AFG2A: variants seen among roughly 807,000 people sequenced by gnomAD.
AFG2A encodes the protein AAA ATPase AFG2A, also known as ATPase family gene 2 protein homolog A.
chr4:123,260,420 T>A, the AFG2A span, among the ~76,000 whole-genome samples: 1 of 152,220 alleles, frequency 6.6e-6, no homozygotes, highest in Admixed American at 6.5e-5. Flanking sequence ...ATTTAAAAAA[T>A]CACCTTCTAG....
At chr4:123,283,409 G>A in the AFG2A span, among the ~76,000 whole-genome samples, 13 of 151,968 alleles carry the variant, frequency 8.6e-5, no homozygotes, top group African/African-American at 3.1e-4. Context: ...GGGTTAGGGA[G>A]AATCTGCTGT....
At chr4:123,306,331 A>G in the AFG2A span, among the ~76,000 whole-genome samples, 1 of 152,166 alleles carries the variant, frequency 6.6e-6, no homozygotes, top group Non-Finnish European at 1.5e-5. Context: ...ATCTATTATT[A>G]CTGCTGAACA....
At chr4:123,178,055 A>G in the AFG2A span, among the ~76,000 whole-genome samples, 1 of 152,224 alleles carries the variant, frequency 6.6e-6, no homozygotes, top group Non-Finnish European at 1.5e-5. Context: ...ATTTACATGA[A>G]TCTTCATTAA....
At chr4:123,014,411 A>G in the AFG2A span, among the ~76,000 whole-genome samples, 1 of 151,786 alleles carries the variant, frequency 6.6e-6, no homozygotes, top group Non-Finnish European at 1.5e-5. Context: ...TTTTTCTTAT[A>G]CTTGTTCATC....
At chr4:123,284,094 C>T in the AFG2A span, among the ~76,000 whole-genome samples, 1 of 152,126 alleles carries the variant, frequency 6.6e-6, no homozygotes, top group Non-Finnish European at 1.5e-5. Context: ...TCATTTCTCT[C>T]CTCCCTGTCT....
the AFG2A span, among the ~76,000 whole-genome samples, chr4:123,076,958 CTGTGTG>C: frequency 6.9e-6 from 1 of 144,954 alleles, no homozygotes; most frequent in Non-Finnish European, 1.5e-5. Flanking sequence ...AAGCCCTGTG[CTGTGTG>C]TGTGTGTGTG....
chr4:123,010,786 T>C, the AFG2A span, among the ~76,000 whole-genome samples: 1 of 152,248 alleles, frequency 6.6e-6, no homozygotes, highest in Admixed American at 6.5e-5. Flanking sequence ...GAACTCGCTC[T>C]GTGCCTGAGA....
the AFG2A span, chr4:122,935,899 G>A: frequency 6.7e-7 from 1 of 1,491,088 alleles, no homozygotes; most frequent in African/African-American, 1.4e-5. Context: ...CTAAAATGTG[G>A]TTTTTAAAAA....
At chr4:123,219,182 G>C in the AFG2A span, among the ~76,000 whole-genome samples, 1 of 152,180 alleles carries the variant, frequency 6.6e-6, no homozygotes, top group South Asian at 2.1e-4. Flanking sequence ...CCAGGAGGCC[G>C]CTGGTACAAT....
chr4:123,171,834 A>C, the AFG2A span, among the ~76,000 whole-genome samples: 1 of 152,000 alleles, frequency 6.6e-6, no homozygotes, highest in African/African-American at 2.4e-5. Flanking sequence ...TATTTTATAT[A>C]TATATAGAAT....
At chr4:123,094,914 C>A in the AFG2A span, among the ~76,000 whole-genome samples, 3 of 151,172 alleles carry the variant, frequency 2.0e-5, no homozygotes, top group Non-Finnish European at 4.4e-5. Flanking sequence ...CATGTCTGGA[C>A]CTTGTGACCT....
At chr4:123,203,908 T>A in the AFG2A span, among the ~76,000 whole-genome samples, 2 of 152,242 alleles carry the variant, frequency 1.3e-5, no homozygotes, top group Non-Finnish European at 2.9e-5. Context: ...ATCAAAGTGT[T>A]GGCAAGGTTG....
chr4:123,142,696 A>G, the AFG2A span, among the ~76,000 whole-genome samples: 2 of 152,048 alleles, frequency 1.3e-5, no homozygotes, highest in African/African-American at 4.8e-5. Flanking sequence ...ATCTCCCAAC[A>G]GCTGGAAAAC....
the AFG2A span, among the ~76,000 whole-genome samples, chr4:123,004,047 C>A: frequency 2.6e-5 from 4 of 152,192 alleles, no homozygotes; most frequent in Non-Finnish European, 5.9e-5. Context: ...TGCCGCCTTG[C>A]AGTTTGATCT....
the AFG2A span, among the ~76,000 whole-genome samples, chr4:123,140,104 A>G: frequency 6.6e-6 from 1 of 152,170 alleles, no homozygotes; most frequent in South Asian, 2.1e-4. Context: ...ATACTGTACT[A>G]TATTTCGTTT....
At chr4:122,944,964 C>T in the AFG2A span, among the ~76,000 whole-genome samples, 12 of 152,118 alleles carry the variant, frequency 7.9e-5, no homozygotes, top group African/African-American at 1.2e-4. Context: ...TTTCCTGAAC[C>T]GCGAATGCTG....
the AFG2A span, among the ~76,000 whole-genome samples, chr4:122,940,610 T>G: frequency 1.3e-5 from 2 of 152,356 alleles, no homozygotes; most frequent in Admixed American, 1.3e-4. Context: ...GTAGTTTCTT[T>G]TGCTGTGCAG....
At chr4:123,071,485 CA>C in the AFG2A span, among the ~76,000 whole-genome samples, 115,147 of 140,018 alleles carry the variant, frequency 0.82, 47,625 homozygotes, top group East Asian at 0.93. Context: ...CGTCCCCCTC[CA>C]AAAAAAAAAA....
the AFG2A span, among the ~76,000 whole-genome samples, chr4:123,004,132 C>T: frequency 6.6e-5 from 10 of 152,188 alleles, no homozygotes; most frequent in Admixed American, 6.5e-4. Context: ...ATGTAATCTC[C>T]TGGTGCGCCG....
Sources: allele counts gnomAD v4.1 joint callset (sites outside exome capture counted in the v4.1 genomes callset), GRCh38; gene constraint gnomAD v4.1.1; transcripts MANE v1.5; gene names NCBI Gene and HGNC (gene_info 2026-07-23, HGNC 2026-07-21).